ZNF483: variants seen among roughly 807,000 people sequenced by gnomAD.
ZNF483 encodes the protein zinc finger protein 483, also known as zinc finger protein HIT-10.
A neutral mutation model predicts 28.6 loss-of-function variants in ZNF483; 9 were observed. That is an observed-to-expected ratio of 0.32 (90% confidence interval 0.19 to 0.55). ZNF483 has a LOEUF of 0.55. ZNF483 is among the 20% of genes least tolerant of loss of function. The pLI is 0.93. For synonymous variants in ZNF483, 322 were observed against 306.2 expected (o/e 1.05, Z -0.54); for missense variants, 675 against 871.7 (o/e 0.77, Z 2.84).
chr9:111,569,986 A>G (rs1828735639), intron 5 of ZNF483: 1 of 1,546,054 alleles, frequency 6.5e-7, no homozygotes, highest in Admixed American at 1.9e-5. Flanking sequence ...GGAAAAACTG[A>G]CGATGCGGCA....
intron 3 of ZNF483, among the ~76,000 whole-genome samples, chr9:111,533,101 C>T (rs1055860631): frequency 1.3e-5 from 2 of 152,106 alleles, no homozygotes; most frequent in Non-Finnish European, 2.9e-5. Context: ...CAGTTATTAC[C>T]TGTAGTAAGC....
intron 5 of ZNF483, among the ~76,000 whole-genome samples, chr9:111,571,556 G>A (rs1828821860): frequency 6.6e-6 from 1 of 151,306 alleles, no homozygotes; most frequent in African/African-American, 2.4e-5. Context: ...ACTGCTCAAT[G>A]CAGCCTTGAC....
In ZNF483 at chr9:111,539,141, T is replaced by TG. The variant is rs1564595825; in HGVS notation, c.722-2516_722-2515insG. Among the ~76,000 whole-genome samples the TG allele has an allele frequency of 2.7e-4, 34 of 127,016 alleles. 1 individual carries two copies. The highest frequency in any genetic ancestry group is 4.5e-4 in the Non-Finnish European group (28 of 62,180). 83.3% of individuals were successfully genotyped at this position (127,016 alleles called of 152,430 possible). ...AAAAAAAAAAAAAAAAAAAAAAACC[T>TG]CATTCAAATCAATAAGGAACACTAA... On this transcript the variant is annotated intron_variant, in intron 5 of 5. Coordinates refer to ENST00000309235, the MANE Select transcript of ZNF483 (RefSeq NM_133464.5).
At chr9:111,536,363 CA>C (rs879920268) in intron 5 of ZNF483, among the ~76,000 whole-genome samples, 150 of 139,252 alleles carry the variant, frequency 1.1e-3, no homozygotes, top group Middle Eastern at 3.7e-3. Flanking sequence ...ACTAAAAATA[CA>C]AAAAAAAAAA....
chr9:111,541,558 A>G (rs927083216), intron 5 of ZNF483, 99 bp from the exon 6 acceptor site: 39 of 934,368 alleles, frequency 4.2e-5, no homozygotes, highest in Non-Finnish European at 5.4e-5. Context: ...CATCGAAACT[A>G]TATTCCTTAT....
At position 111,542,113 on chromosome 9, in the gene ZNF483, G is replaced by GT; in HGVS notation, c.1179dup (p.Lys394Ter). The GT allele has an allele frequency of 1.2e-6, 2 of 1,614,096 alleles. No homozygotes were observed. Among genetic ancestry groups the GT allele is most frequent in the Non-Finnish European group, 1.7e-6 (2 of 1,180,026 alleles). On this transcript the variant is annotated frameshift_variant, in exon 6 of 6. Transcript: ENST00000309235. LOFTEE classifies it low-confidence loss of function (END_TRUNC). This position sits in a 1 kb window ranked among gnomAD's most constrained non-coding sequence, Gnocchi z 6.2. ...TTGGGGGATAGGTCCCAAAAATGCA[G>GT]TAAGTGTGGGATAATCTTTATTAGA...
At position 111,544,592 on chromosome 9, in the gene ZNF483, A is replaced by G. The variant is rs1439721825; in HGVS notation, c.*1422A>G. Among the ~76,000 whole-genome samples, 2 of 152,144 alleles carry G rather than the reference A, an allele frequency of 1.3e-5. No individual in the cohort carries two copies. The highest frequency in any genetic ancestry group is 2.4e-5 in the African/African-American group (1 of 41,428). On this transcript the variant is annotated 3_prime_UTR_variant, in exon 6 of 6. Coordinates refer to ENST00000309235, the MANE Select transcript of ZNF483 (RefSeq NM_133464.5). ...GACTTTCCCACTGTATGAATGTTCT[A>G]TTATAACCCCTACCATTTGGAGAAT...
chr9:111,542,606 A>G lies in ZNF483; in HGVS notation c.1671A>G (p.Gly557=), dbSNP rs1185736341. The G allele has an allele frequency of 6.2e-6, 10 of 1,614,050 alleles. No homozygotes were observed. Among genetic ancestry groups the G allele is most frequent in the Non-Finnish European group, 2.5e-6 (3 of 1,179,992 alleles). Residue 557 remains glycine, a synonymous_variant, in exon 6 of 6, where the codon GGA becomes GGG. Coordinates refer to ENST00000309235, the MANE Select transcript of ZNF483 (RefSeq NM_133464.5). This position sits in a 1 kb window ranked among gnomAD's most constrained non-coding sequence, Gnocchi z 6.2. Reference sequence around the variant, plus strand: ...AACCCTATACATGTAGCAATTGTGGAAAATCCTTCAGTCATAGCTCATCCC... The same window carrying G: ...AACCCTATACATGTAGCAATTGTGGGAAATCCTTCAGTCATAGCTCATCCC... ...GEKPYTCSNC[G]KSFSHSSSLS...
intron 5 of ZNF483, 90 bp from the exon 6 acceptor site, chr9:111,541,567 A>G (rs1374051134): frequency 2.0e-6 from 2 of 1,024,782 alleles, no homozygotes; most frequent in Non-Finnish European, 1.4e-6. Flanking sequence ...TATATTCCTT[A>G]TAGTTATTAA....
intron 5 of ZNF483, chr9:111,563,451 G>T: frequency 2.4e-6 from 1 of 424,692 alleles, no homozygotes; most frequent in Non-Finnish European, 4.2e-6. Flanking sequence ...GAAATAATAG[G>T]TGTCGGATCA....
chr9:111,537,299 G>A (rs1388711686), intron 5 of ZNF483, among the ~76,000 whole-genome samples: 1 of 151,644 alleles, frequency 6.6e-6, no homozygotes, highest in Non-Finnish European at 1.5e-5. Flanking sequence ...TCAGCTCACT[G>A]CAGCCTCCAC....
intron 5 of ZNF483, among the ~76,000 whole-genome samples, chr9:111,538,524 C>T (rs1287846887): frequency 3.3e-5 from 5 of 150,406 alleles, no homozygotes; most frequent in Admixed American, 3.3e-4. Context: ...TAAGTGGACA[C>T]TTGCAGTTCA....
exon 6 of ZNF483, chr9:111,576,803 A>G (rs1278301607): frequency 6.4e-6 from 1 of 156,920 alleles, no homozygotes; most frequent in Non-Finnish European, 1.4e-5. Flanking sequence ...GATGTAAAGA[A>G]CTCTTGGCCA....
chr9:111,565,747 A>G (rs1057054971), intron 5 of ZNF483, among the ~76,000 whole-genome samples: 3 of 151,614 alleles, frequency 2.0e-5, no homozygotes, highest in African/African-American at 7.3e-5. Context: ...CTGGTCTTGG[A>G]CTCCTGGGCT....
chr9:111,555,685 G>A (rs553274386), downstream of ZNF483, among the ~76,000 whole-genome samples: 90 of 152,082 alleles, frequency 5.9e-4, no homozygotes, highest in African/African-American at 2.0e-3. Flanking sequence ...AAAGGGGGAA[G>A]TGCTACACAC....
chr9:111,571,302 C>T lies in ZNF483; in HGVS notation c.722-5063C>T, dbSNP rs1005786133. Among the ~76,000 whole-genome samples, 5 of 149,560 alleles carry T rather than the reference C, an allele frequency of 3.3e-5. 1 individual carries two copies. Among genetic ancestry groups the T allele is most frequent in the Non-Finnish European group, 5.9e-5 (4 of 67,364 alleles). On this transcript the variant is annotated intron_variant, in intron 5 of 5. Transcript: ENST00000358151. Reference sequence around the variant, plus strand: ...TGGCACATGCCTGTAATCCCAGCTACTCAGGAGGCTGAGGCAGGAGAATCG... The same window carrying T: ...TGGCACATGCCTGTAATCCCAGCTATTCAGGAGGCTGAGGCAGGAGAATCG...
At chr9:111,563,160 C>T (rs201071063) in intron 5 of ZNF483, 6 of 1,614,030 alleles carry the variant, frequency 3.7e-6, no homozygotes, top group Non-Finnish European at 5.1e-6. Flanking sequence ...TATCTCCTTT[C>T]AGCATTCCCA....
chr9:111,559,554 C>A (rs1434856869), downstream of ZNF483, among the ~76,000 whole-genome samples: 1 of 152,006 alleles, frequency 6.6e-6, no homozygotes, highest in African/African-American at 2.4e-5. Context: ...ACACACTGCC[C>A]AACCCCTCCT....
intron 5 of ZNF483, among the ~76,000 whole-genome samples, chr9:111,575,626 G>T (rs1829023037): frequency 6.6e-6 from 1 of 152,200 alleles, no homozygotes; most frequent in Admixed American, 6.5e-5. Flanking sequence ...TTCTACAGAA[G>T]TGCTAAAGCA....
Sources: allele counts gnomAD v4.1 joint callset (sites outside exome capture counted in the v4.1 genomes callset), GRCh38; gene constraint gnomAD v4.1.1; non-coding constraint Gnocchi (gnomAD v3.1); transcripts MANE v1.5; gene names NCBI Gene and HGNC (gene_info 2026-07-23, HGNC 2026-07-21).